SLC35F1: variants seen among roughly 807,000 people sequenced by gnomAD.
The protein encoded by SLC35F1 is solute carrier family 35 member F1.
In SLC35F1, 14 loss-of-function variants were observed where a neutral mutation model predicts 48.7. That is an observed-to-expected ratio of 0.29 (90% CI 0.19 to 0.45). SLC35F1 has a LOEUF of 0.45. Among genes scored for constraint, SLC35F1 ranks in the 20% least tolerant of loss-of-function variants. The pLI, the probability that SLC35F1 is intolerant of heterozygous loss-of-function variation, is 1.00. For missense variants in SLC35F1, 404 were observed against 500.0 expected (o/e 0.81, Z 1.83); for synonymous variants, 190 against 202.2 (o/e 0.94, Z 0.51).
At chr6:118,122,164 G>T (rs549415344) in intron 1 of SLC35F1, among the ~76,000 whole-genome samples, 1 of 151,680 alleles carries the variant, frequency 6.6e-6, no homozygotes, top group African/African-American at 2.4e-5. Context: ...GAAGAATTTA[G>T]CATGACATTT....
intron 1 of SLC35F1, among the ~76,000 whole-genome samples, chr6:118,005,227 C>T (rs9401045): frequency 0.61 from 92,676 of 151,902 alleles, 28,755 homozygotes; most frequent in East Asian, 0.79. Context: ...TGCTCACATG[C>T]ATACAGGTTG....
At chr6:118,205,130 CA>C (rs765508992) in intron 2 of SLC35F1, among the ~76,000 whole-genome samples, 6 of 152,190 alleles carry the variant, frequency 3.9e-5, no homozygotes, top group Non-Finnish European at 8.8e-5. Flanking sequence ...CATCCTCCGT[CA>C]AGTCAAGACA....
chr6:118,141,913 C>G (rs963418572), intron 1 of SLC35F1, among the ~76,000 whole-genome samples: 16 of 152,174 alleles, frequency 1.1e-4, no homozygotes, highest in Admixed American at 3.9e-4. Context: ...TTTATGTTCA[C>G]AAAAGTGATA....
intron 1 of SLC35F1, among the ~76,000 whole-genome samples, chr6:118,098,231 G>A (rs182386998): frequency 1.7e-3 from 252 of 152,214 alleles, no homozygotes; most frequent in African/African-American, 5.9e-3. Context: ...GGTAGAGTGG[G>A]CAAGAATTAT....
chr6:117,953,984 T>G (rs879680099), intron 1 of SLC35F1, among the ~76,000 whole-genome samples: 6 of 152,232 alleles, frequency 3.9e-5, no homozygotes, highest in Non-Finnish European at 7.3e-5. Flanking sequence ...CAGGGTCCCG[T>G]GGATGAAGAG....
intron 2 of SLC35F1, among the ~76,000 whole-genome samples, chr6:118,186,519 C>T (rs1774659231): frequency 1.3e-5 from 2 of 152,280 alleles, no homozygotes; most frequent in South Asian, 4.1e-4. Flanking sequence ...CTTCCTCCTC[C>T]CTTCCCAATC....
chr6:118,156,399 G>A (rs1211573200), intron 2 of SLC35F1, among the ~76,000 whole-genome samples: 1 of 152,048 alleles, frequency 6.6e-6, no homozygotes, highest in Non-Finnish European at 1.5e-5. Flanking sequence ...AGGGAGACAT[G>A]AGACTTCAAT....
chr6:117,928,111 G>A (rs1368683387), intron 1 of SLC35F1, among the ~76,000 whole-genome samples: 1 of 152,082 alleles, frequency 6.6e-6, no homozygotes, highest in African/African-American at 2.4e-5. Flanking sequence ...CTTTGTGAGT[G>A]TTTTCTGAGT....
chr6:118,227,381 G>A (rs1250065979), intron 2 of SLC35F1, among the ~76,000 whole-genome samples: 1 of 152,164 alleles, frequency 6.6e-6, no homozygotes, highest in Admixed American at 6.5e-5. Context: ...GTATAAATAT[G>A]TACTTAGTTT....
In SLC35F1 at chr6:118,317,309, C is replaced by T. The variant is rs1378897604; in HGVS notation, c.*3057C>T. 4 of 152,056 alleles carry T rather than the reference C, an allele frequency of 2.6e-5. No homozygotes were observed. Among genetic ancestry groups the T allele is most frequent in the Admixed American group, 6.5e-5 (1 of 15,272 alleles). 9.4% of individuals were successfully genotyped at this position (152,056 alleles called of 1,614,324 possible). On this transcript the variant is annotated 3_prime_UTR_variant, in exon 8 of 8. Transcript: ENST00000360388. ...CAAGCAATGGAAAAATTTGCACCAC[C>T]GTGTCCCATGAAATTGTTTCAATGT...
intron 1 of SLC35F1, among the ~76,000 whole-genome samples, chr6:117,938,841 C>T (rs1776192699): frequency 6.6e-6 from 1 of 151,844 alleles, no homozygotes; most frequent in South Asian, 2.1e-4. Flanking sequence ...TGAATGCTAT[C>T]CCCCTCCCCC....
intron 4 of SLC35F1, among the ~76,000 whole-genome samples, chr6:118,268,962 C>T (rs974282020): frequency 1.3e-5 from 2 of 152,154 alleles, no homozygotes; most frequent in African/African-American, 4.8e-5. Context: ...TGTGTAAACA[C>T]AGGCTAAGCA....
intron 6 of SLC35F1, among the ~76,000 whole-genome samples, chr6:118,284,850 T>C (rs1049695529): frequency 6.6e-6 from 1 of 152,106 alleles, no homozygotes; most frequent in Non-Finnish European, 1.5e-5. Context: ...AATAGATGAG[T>C]AGCAAAAGCT....
At chr6:118,271,496 G>A (rs1221575036) in intron 4 of SLC35F1, among the ~76,000 whole-genome samples, 1 of 152,104 alleles carries the variant, frequency 6.6e-6, no homozygotes, top group African/African-American at 2.4e-5. Flanking sequence ...AAGATAGTTG[G>A]TTCCCCCTAT....
At chr6:118,212,324 C>T (rs1775010288) in intron 2 of SLC35F1, among the ~76,000 whole-genome samples, 2 of 152,188 alleles carry the variant, frequency 1.3e-5, no homozygotes, top group Admixed American at 1.3e-4. Context: ...TGCCTTCCAA[C>T]CATTTACTTT....
At chr6:117,994,433 C>G (rs1198250171) in intron 1 of SLC35F1, among the ~76,000 whole-genome samples, 2 of 152,076 alleles carry the variant, frequency 1.3e-5, no homozygotes, top group South Asian at 4.1e-4. Flanking sequence ...TAACATATTC[C>G]AGGGATTAGG....
intron 1 of SLC35F1, among the ~76,000 whole-genome samples, chr6:118,093,614 G>A (rs1242254794): frequency 6.6e-6 from 1 of 152,200 alleles, no homozygotes; most frequent in African/African-American, 2.4e-5. Flanking sequence ...GCCTTCTGCT[G>A]TGATTGTGAG....
intron 1 of SLC35F1, among the ~76,000 whole-genome samples, chr6:117,972,554 C>A (rs915798109): frequency 6.6e-6 from 1 of 152,208 alleles, no homozygotes; most frequent in African/African-American, 2.4e-5. Flanking sequence ...CACAGTTCCA[C>A]ATAGCTAGGG....
chr6:118,291,900 C>T (rs1054522850), intron 7 of SLC35F1, among the ~76,000 whole-genome samples: 1 of 151,958 alleles, frequency 6.6e-6, no homozygotes, highest in Non-Finnish European at 1.5e-5. Context: ...GGTGGATCAC[C>T]TAAGGTCAGG....
Sources: allele counts gnomAD v4.1 joint callset (sites outside exome capture counted in the v4.1 genomes callset), GRCh38; gene constraint gnomAD v4.1.1; transcripts MANE v1.5; gene names NCBI Gene and HGNC (gene_info 2026-07-23, HGNC 2026-07-21).